Variants in KSR2 observed in about 807,000 individuals in gnomAD.
KSR2 encodes kinase suppressor of ras 2.
A neutral mutation model predicts 107.8 loss-of-function variants in KSR2; 25 were observed. The ratio of observed to expected loss-of-function variants is 0.23; its 90% CI spans 0.17 to 0.32. KSR2 has a LOEUF of 0.32. Among genes scored for constraint, KSR2 ranks in the 10% least tolerant of loss-of-function variants. KSR2 has a pLI of 1.00. For synonymous variants in KSR2, 480 were observed against 507.0 expected, an observed-to-expected ratio of 0.95 and a Z score of 0.71; for missense variants, 887 against 1,268.9, an observed-to-expected ratio of 0.70 and a Z score of 4.57.
intron 3 of KSR2, among the ~76,000 whole-genome samples, chr12:117,804,257 G>T (rs1056633508): frequency 6.6e-6 from 1 of 152,114 alleles, no homozygotes; most frequent in East Asian, 1.9e-4. Context: ...TGGCCAGGCT[G>T]GTCTTGAACT....
rs1887904492 is a variant in KSR2, at chr12:117,735,520, T to C, written c.986+25491A>G. On this transcript the variant is annotated intron_variant, in intron 4 of 19. Coordinates refer to ENST00000339824, the MANE Select transcript of KSR2 (RefSeq NM_173598.6). ...CTGTATACAAGACTGGCTTTTTTGT[T>C]CCTAGGGACCTCATCCCTGAGACTA... 2.6e-5 allele frequency among the ~76,000 whole-genome samples: 4 copies of C among 152,228 alleles called. No individual in the cohort carries two copies. In the South Asian group the frequency reaches 8.3e-4, roughly 32 times the overall value.
At chr12:117,966,719 G>A (rs1896809068) in intron 1 of KSR2, among the ~76,000 whole-genome samples, 1 of 150,484 alleles carries the variant, frequency 6.6e-6, no homozygotes, top group African/African-American at 2.4e-5. Context: ...TTCTTTCAAA[G>A]GGATGACCTC....
intron 1 of KSR2, among the ~76,000 whole-genome samples, chr12:117,876,164 G>T (rs1445539380): frequency 1.3e-5 from 2 of 152,172 alleles, no homozygotes; most frequent in East Asian, 3.9e-4. Context: ...CAGCCCCGAC[G>T]CCTTCCCGCC....
At chr12:117,681,502 A>T (rs1452641504) in intron 4 of KSR2, among the ~76,000 whole-genome samples, 1 of 152,128 alleles carries the variant, frequency 6.6e-6, no homozygotes, top group Admixed American at 6.5e-5. Flanking sequence ...GGACAGGGAA[A>T]CTCAGAGTAA....
chr12:117,727,111 T>C (rs1466206487), intron 4 of KSR2, among the ~76,000 whole-genome samples: 2 of 151,864 alleles, frequency 1.3e-5, no homozygotes, highest in African/African-American at 2.4e-5. Flanking sequence ...TGTGCTGGCT[T>C]ACACCTGTAA....
At position 117,526,156 on chromosome 12, in the gene KSR2, T is replaced by A. The variant is rs867018384; in HGVS notation, c.1851+915A>T. 1.4e-4 allele frequency among the ~76,000 whole-genome samples: 21 copies of A among 152,108 alleles called. No homozygotes were observed. In the South Asian group the frequency reaches 1.5e-3, roughly 11 times the overall value. On this transcript the variant is annotated intron_variant, in intron 13 of 19. Coordinates refer to ENST00000339824, the MANE Select transcript of KSR2 (RefSeq NM_173598.6). ...CACCCAGCACTATTGGATCAAAATA[T>A]CCGCAGGCCAGGACCAGGAATCTGC...
intron 1 of KSR2, among the ~76,000 whole-genome samples, chr12:117,875,207 G>T (rs1893797265): frequency 6.6e-6 from 1 of 152,174 alleles, no homozygotes; most frequent in Non-Finnish European, 1.5e-5. Flanking sequence ...AATTGTGTCT[G>T]AAATCCCTAA....
chr12:117,864,049 G>T (rs1221791634), intron 1 of KSR2, among the ~76,000 whole-genome samples: 1 of 152,236 alleles, frequency 6.6e-6, no homozygotes, highest in African/African-American at 2.4e-5. Context: ...GGGATTAGGA[G>T]GTAGAAATGA....
chr12:117,626,208 G>A (rs1166851796), intron 5 of KSR2, among the ~76,000 whole-genome samples: 1 of 151,766 alleles, frequency 6.6e-6, no homozygotes, highest in Non-Finnish European at 1.5e-5. Context: ...ATCTCTTTCA[G>A]TTCTGCTCTG....
chr12:117,641,099 T>C (rs766947782), intron 5 of KSR2, among the ~76,000 whole-genome samples: 5 of 152,122 alleles, frequency 3.3e-5, no homozygotes, highest in African/African-American at 9.7e-5. Flanking sequence ...TTTTTTTGTT[T>C]TATTTTGTTT....
At chr12:117,744,537 A>C (rs550055620) in intron 4 of KSR2, among the ~76,000 whole-genome samples, 1 of 152,266 alleles carries the variant, frequency 6.6e-6, no homozygotes, top group African/African-American at 2.4e-5. Context: ...AACTTTGTTT[A>C]TAGAGGGTCC....
At position 117,817,090 on chromosome 12, in the gene KSR2, C is replaced by T. The variant is rs188473832; in HGVS notation, c.472+38338G>A. ...TGACCAGGCCAGGGGAGGGGAATAT[C>T]CTTTTGCCAAATCTTTCCAGAAATC... On this transcript the variant is annotated intron_variant, in intron 3 of 19. Coordinates refer to ENST00000339824, the MANE Select transcript of KSR2 (RefSeq NM_173598.6). Among the ~76,000 whole-genome samples the T allele has an allele frequency of 8.9e-4, 135 of 152,224 alleles. 1 individual carries two copies. The highest frequency in any genetic ancestry group is 6.1e-3 in the Admixed American group (94 of 15,298).
intron 1 of KSR2, among the ~76,000 whole-genome samples, chr12:117,862,727 C>CA (rs1408613306): frequency 6.9e-6 from 1 of 144,348 alleles, no homozygotes; most frequent in Middle Eastern, 3.2e-3. Context: ...CCATTCCCCC[C>CA]CTTTTTTTTT....
intron 1 of KSR2, among the ~76,000 whole-genome samples, chr12:117,928,876 T>C (rs925576271): frequency 6.6e-6 from 1 of 152,226 alleles, no homozygotes; most frequent in Non-Finnish European, 1.5e-5. Context: ...GGCTACGACA[T>C]CATGCTTAGC....
chr12:117,877,958 C>T (rs1442037564), intron 1 of KSR2, among the ~76,000 whole-genome samples: 1 of 152,144 alleles, frequency 6.6e-6, no homozygotes, highest in Non-Finnish European at 1.5e-5. Flanking sequence ...TGCCGCCCGG[C>T]CCTATGAGAG....
chr12:117,575,053 T>C (rs1879190389), intron 7 of KSR2, among the ~76,000 whole-genome samples: 1 of 152,154 alleles, frequency 6.6e-6, no homozygotes, highest in Non-Finnish European at 1.5e-5. Flanking sequence ...GAATTGAAAC[T>C]GCAGCCCCCA....
intron 1 of KSR2, among the ~76,000 whole-genome samples, chr12:117,953,560 T>C (rs1036170802): frequency 6.6e-6 from 1 of 152,128 alleles, no homozygotes; most frequent in African/African-American, 2.4e-5. Flanking sequence ...AGACACAAAA[T>C]AACAAATATC....
intron 4 of KSR2, among the ~76,000 whole-genome samples, chr12:117,680,462 G>T (rs1230879415): frequency 6.6e-6 from 1 of 152,074 alleles, no homozygotes; most frequent in Non-Finnish European, 1.5e-5. Context: ...TTTTGGACAC[G>T]GCTGCTCTAA....
chr12:117,579,314 T>C (rs1431307211), intron 6 of KSR2, 112 bp from the exon 7 acceptor site: 13 of 768,888 alleles, frequency 1.7e-5, no homozygotes, highest in Admixed American at 4.1e-5. Context: ...TCCAGTCCTG[T>C]TTCTTTCGAG....
Sources: gnomAD v4.1 joint callset for allele counts (sites outside exome capture counted in the v4.1 genomes callset) on GRCh38, gnomAD v4.1.1 for gene constraint, MANE v1.5 for transcripts, NCBI Gene and HGNC (gene_info 2026-07-23, HGNC 2026-07-21) for gene names.